The following SMYD3 variants were observed in gnomAD, a reference collection of about 807,000 sequenced individuals.
SMYD3 encodes the protein SET and MYND domain containing 3.
SMYD3 carries 36 observed loss-of-function variants against 57.7 expected under a neutral mutation model. The observed-to-expected ratio is 0.62, with a 90% CI of 0.48 to 0.82. The LOEUF (loss-of-function observed/expected upper bound fraction) is 0.82, where lower values mean the gene tolerates loss of function less well. Among genes scored for constraint, SMYD3 ranks in the 40% least tolerant of loss-of-function variants. SMYD3 has a pLI of 0.00. For missense variants in SMYD3, 515 were observed against 538.8 expected (o/e 0.96, Z 0.44); for synonymous variants, 211 against 195.0 (o/e 1.08, Z -0.68).
Position 246,004,075 on chromosome 1 carries a change from T to C in SMYD3, c.532-74138A>G, listed in dbSNP as rs537758629. On this transcript the variant is annotated intron_variant, in intron 5 of 11. Coordinates refer to ENST00000490107, the MANE Select transcript of SMYD3 (RefSeq NM_001167740.2). The stretch of plus-strand genomic sequence containing the variant: ...GGGGCCTTCTCAAGCCTGTCTCCTA[T>C]CTGTAAAATGGGAATGAGCCTACCG... 3.0e-3 allele frequency among the ~76,000 whole-genome samples: 172 copies of C among 57,378 alleles called. 1 individual carries two copies. Among genetic ancestry groups the C allele is most frequent in the South Asian group, 0.01 (21 of 2,032 alleles). The allele number at this position is 57,378 out of a possible 152,430, so 37.6% of individuals were successfully genotyped here. A position where few individuals can be genotyped will look rare whatever the true frequency, so the allele number is the denominator to read the frequency against.
chr1:245,833,345 T>C (rs2049953803), intron 10 of SMYD3, among the ~76,000 whole-genome samples: 1 of 152,226 alleles, frequency 6.6e-6, no homozygotes, highest in African/African-American at 2.4e-5. Context: ...CTGACAACAA[T>C]GCATTCAGTT....
chr1:246,494,097 A>T (rs2103071320), intron 1 of SMYD3, among the ~76,000 whole-genome samples: 1 of 152,218 alleles, frequency 6.6e-6, no homozygotes, highest in Admixed American at 6.5e-5. Flanking sequence ...CTCCTACACA[A>T]ATCTTCCATG....
At chr1:246,298,974 G>A (rs1185955705) in intron 5 of SMYD3, among the ~76,000 whole-genome samples, 1 of 152,108 alleles carries the variant, frequency 6.6e-6, no homozygotes, top group Non-Finnish European at 1.5e-5. Flanking sequence ...TACTAGCAAG[G>A]CTGTGAGTAA....
In SMYD3 at chr1:245,953,415, T is replaced by C. The variant is rs534293809; in HGVS notation, c.532-23478A>G. ...AAAGTAAACTGGCTTAAAAGTAGGG[T>C]TCAGTTTGTTTTGTTTTGTTTTTGA... On this transcript the variant is annotated intron_variant, in intron 5 of 11. Transcript: ENST00000490107. 19 of 910,718 alleles carry C rather than the reference T, an allele frequency of 2.1e-5. No homozygotes were observed. The Middle Eastern group carries it at 3.5e-3, about 165-fold the overall frequency. The allele number at this position is 910,718 out of a possible 1,614,324, so 56.4% of individuals were successfully genotyped here.
intron 8 of SMYD3, among the ~76,000 whole-genome samples, chr1:245,881,057 G>C (rs1323276941): frequency 2.0e-5 from 3 of 152,204 alleles, no homozygotes; most frequent in Non-Finnish European, 4.4e-5. Flanking sequence ...AGGCCCCTAT[G>C]AAATGATTCT....
chr1:245,884,986 C>T lies in SMYD3; in HGVS notation c.814-21100G>A, dbSNP rs535400558. On this transcript the variant is annotated intron_variant, in intron 8 of 11. Coordinates refer to ENST00000490107, the MANE Select transcript of SMYD3 (RefSeq NM_001167740.2). ...TCACAATAAATCTTGCTGCTGCTCA[C>T]TCTTTGGGTCTGCACTACCTTTATG... Among the ~76,000 whole-genome samples the T allele has an allele frequency of 4.0e-3, 605 of 152,308 alleles. 6 individuals carry two copies. The highest frequency in any genetic ancestry group is 0.014 in the African/African-American group (584 of 41,558).
At chr1:246,415,546 CT>C (rs1572480317) in intron 1 of SMYD3, among the ~76,000 whole-genome samples, 1 of 152,132 alleles carries the variant, frequency 6.6e-6, no homozygotes, top group East Asian at 1.9e-4. Context: ...ATCTAGAACC[CT>C]GGCCTCCAGC....
At chr1:246,302,705 G>A (rs576448899) in intron 5 of SMYD3, among the ~76,000 whole-genome samples, 3 of 152,140 alleles carry the variant, frequency 2.0e-5, no homozygotes, top group South Asian at 2.1e-4. Context: ...AAATTACTGC[G>A]ATGTGGAAAC....
intron 5 of SMYD3, among the ~76,000 whole-genome samples, chr1:246,176,228 A>G (rs2062431562): frequency 6.6e-6 from 1 of 152,128 alleles, no homozygotes; most frequent in Non-Finnish European, 1.5e-5. Context: ...TGGAGTCCCA[A>G]AATCAGGTCA....
chr1:245,978,556 A>G (rs1010835173), intron 5 of SMYD3, among the ~76,000 whole-genome samples: 1 of 152,146 alleles, frequency 6.6e-6, no homozygotes, highest in African/African-American at 2.4e-5. Context: ...TAGAAAAAAA[A>G]TAAGTGCGGG....
intron 7 of SMYD3, among the ~76,000 whole-genome samples, chr1:245,925,246 T>A (rs1169489524): frequency 6.6e-6 from 1 of 152,204 alleles, no homozygotes. Flanking sequence ...ATTTATGGGG[T>A]CCAGGTACTA....
At chr1:245,907,649 G>C (rs970739373) in intron 8 of SMYD3, among the ~76,000 whole-genome samples, 1 of 152,110 alleles carries the variant, frequency 6.6e-6, no homozygotes. Context: ...GGAGAACAAA[G>C]GATTTACAAA....
At chr1:246,058,058 C>T (rs59080925) in intron 5 of SMYD3, among the ~76,000 whole-genome samples, 30 of 152,036 alleles carry the variant, frequency 2.0e-4, no homozygotes, top group African/African-American at 4.8e-4. Flanking sequence ...GCTATGGAAA[C>T]GGTAAAAAGA....
chr1:246,085,252 G>A (rs1308629754), intron 5 of SMYD3, among the ~76,000 whole-genome samples: 1 of 152,100 alleles, frequency 6.6e-6, no homozygotes, highest in East Asian at 1.9e-4. Flanking sequence ...ACCCTAATGA[G>A]GAATTAATCC....
At chr1:246,387,856 T>C (rs2066511484) in intron 1 of SMYD3, among the ~76,000 whole-genome samples, 1 of 126,942 alleles carries the variant, frequency 7.9e-6, no homozygotes, top group African/African-American at 3.1e-5. Flanking sequence ...TTCTTGAAAA[T>C]CACCTCGAGG....
chr1:245,965,320 C>T (rs965785143), intron 5 of SMYD3, among the ~76,000 whole-genome samples: 7 of 152,242 alleles, frequency 4.6e-5, no homozygotes, highest in Admixed American at 2.6e-4. Flanking sequence ...AAAGCAGTTT[C>T]ATGTTATTCG....
intron 10 of SMYD3, among the ~76,000 whole-genome samples, chr1:245,816,758 T>C (rs2048830951): frequency 6.6e-6 from 1 of 152,002 alleles, no homozygotes; most frequent in Non-Finnish European, 1.5e-5. Flanking sequence ...GTCAGGGAGT[T>C]CCCTTTCCTA....
At chr1:245,796,966 A>G (rs2047550907) in intron 10 of SMYD3, among the ~76,000 whole-genome samples, 1 of 152,230 alleles carries the variant, frequency 6.6e-6, no homozygotes, top group African/African-American at 2.4e-5. Flanking sequence ...CCTATGAAAT[A>G]ATGAATTTGG....
chr1:245,813,860 CTATATATATATATATATATATA>C (rs6143718), intron 10 of SMYD3, among the ~76,000 whole-genome samples: 14,395 of 146,704 alleles, frequency 0.098, 840 homozygotes, highest in East Asian at 0.2. Context: ...TCATGGAGCC[CTATATATATATATATATATATA>C]TATATATATA....
Sources: gnomAD v4.1 joint callset for allele counts (sites outside exome capture counted in the v4.1 genomes callset) on GRCh38, gnomAD v4.1.1 for gene constraint, MANE v1.5 for transcripts, NCBI Gene and HGNC (gene_info 2026-07-23, HGNC 2026-07-21) for gene names.